The following ROBO2 variants were observed in gnomAD, a reference collection of about 807,000 sequenced individuals.
ROBO2 encodes the protein roundabout guidance receptor 2, also known as roundabout homolog 2.
ROBO2 carries 53 observed loss-of-function variants against 160.8 expected under a neutral mutation model. The ratio of observed to expected loss-of-function variants is 0.33; its 90% CI spans 0.26 to 0.41. ROBO2 has a LOEUF of 0.41. Ranked by LOEUF, ROBO2 falls within the 10% of genes least tolerant of loss-of-function variation. ROBO2 has a pLI of 1.00. For missense variants in ROBO2, 1,577 were observed against 1,722.4 expected (o/e 0.92, Z 1.49); for synonymous variants, 664 against 611.7 (o/e 1.09, Z -1.26).
At chr3:75,973,465 C>T (rs982110930) in intron 2 of ROBO2, among the ~76,000 whole-genome samples, 2 of 151,316 alleles carry the variant, frequency 1.3e-5, no homozygotes, top group African/African-American at 4.8e-5. Flanking sequence ...AACTAAAGAA[C>T]CAGGAACTGA....
At chr3:77,374,169 CAAAAAAAAAAAAAAAAAAAAAA>C (rs60357417) in intron 2 of ROBO2, among the ~76,000 whole-genome samples, 1 of 40,092 alleles carries the variant, frequency 2.5e-5, no homozygotes, top group Non-Finnish European at 3.7e-5. Context: ...GAGACTCCAT[CAAAAAAAAAAAAAAAAAAAAAA>C]AAAAAAAAAA....
rs188296143 is a variant in ROBO2, at chr3:77,563,104, T to C, written c.1520-63T>C. On this transcript the variant is annotated intron_variant, in intron 10 of 25. Transcript: ENST00000461745. ...GGTCCTTTAGTAGACTGCTTCCTTC[T>C]TTTAGGCAGTATTGTCAACTTATGC... 5,381 of 1,536,750 alleles carry C rather than the reference T, an allele frequency of 3.5e-3. 10 individuals are homozygous for C. Among genetic ancestry groups the C allele is most frequent in the Non-Finnish European group, 4.4e-3 (4,892 of 1,113,946 alleles).
intron 2 of ROBO2, among the ~76,000 whole-genome samples, chr3:76,521,197 C>T (rs941076880): frequency 3.9e-5 from 6 of 152,038 alleles, no homozygotes; most frequent in Non-Finnish European, 5.9e-5. Context: ...TACAGGCATG[C>T]GTCACCACGC....
intron 2 of ROBO2, among the ~76,000 whole-genome samples, chr3:76,662,048 G>A (rs558031726): frequency 3.3e-5 from 5 of 152,134 alleles, no homozygotes; most frequent in African/African-American, 4.8e-5. Flanking sequence ...TAATGTTAAC[G>A]CTAGTGAGTT....
chr3:75,937,611 A>C (rs1410654304), intron 2 of ROBO2: 1 of 1,497,516 alleles, frequency 6.7e-7, no homozygotes. Flanking sequence ...AGGTAAGTGC[A>C]AGGATGTTCT....
At chr3:77,107,272 A>G (rs2072933979) in intron 2 of ROBO2, among the ~76,000 whole-genome samples, 1 of 152,216 alleles carries the variant, frequency 6.6e-6, no homozygotes, top group East Asian at 1.9e-4. Flanking sequence ...TTGGGGGGAT[A>G]TAAACGTTCT....
intron 2 of ROBO2, among the ~76,000 whole-genome samples, chr3:77,454,024 T>C (rs900550814): frequency 2.6e-5 from 4 of 152,098 alleles, no homozygotes; most frequent in African/African-American, 9.7e-5. Context: ...CCGTTAATGA[T>C]TGGACCAGAC....
At chr3:76,874,811 G>A (rs1262491609) in intron 2 of ROBO2, among the ~76,000 whole-genome samples, 3 of 152,176 alleles carry the variant, frequency 2.0e-5, no homozygotes, top group African/African-American at 7.2e-5. Context: ...GACAGGCCAA[G>A]TGACTTCCTA....
chr3:77,098,230 T>C, exon 2 of ROBO2: 1 of 1,614,178 alleles, frequency 6.2e-7, no homozygotes, highest in Non-Finnish European at 8.5e-7. Flanking sequence ...TTATTCTTCT[T>C]GCGCATCGTG....
At chr3:76,214,625 G>A (rs2088176) in intron 2 of ROBO2, among the ~76,000 whole-genome samples, 82,158 of 152,088 alleles carry the variant, frequency 0.54, 22,367 homozygotes, top group African/African-American at 0.57. Context: ...AAGGGCGTCC[G>A]CCATTGCTGA....
chr3:77,642,966 A>T, intron 24 of ROBO2, 23 bp downstream of exon 26: 1 of 455,472 alleles, frequency 2.2e-6, no homozygotes, highest in Non-Finnish European at 4.4e-6. Context: ...CAGTCCCAAG[A>T]AAGTGTGGAC....
intron 2 of ROBO2, among the ~76,000 whole-genome samples, chr3:77,020,663 A>C (rs1463446941): frequency 1.3e-5 from 2 of 152,364 alleles, no homozygotes; most frequent in African/African-American, 4.8e-5. Flanking sequence ...TGCATTTACC[A>C]GTTTAATAAC....
At chr3:77,251,416 G>A (rs1436006553) in intron 2 of ROBO2, among the ~76,000 whole-genome samples, 4 of 152,136 alleles carry the variant, frequency 2.6e-5, no homozygotes, top group African/African-American at 9.7e-5. Context: ...GCAGGGCAGT[G>A]AATGCTGTGG....
intron 2 of ROBO2, among the ~76,000 whole-genome samples, chr3:77,431,868 T>G (rs2078809575): frequency 6.6e-6 from 1 of 152,160 alleles, no homozygotes; most frequent in Non-Finnish European, 1.5e-5. Flanking sequence ...AAAGATTCAA[T>G]AACGTAAGTA....
intron 2 of ROBO2, among the ~76,000 whole-genome samples, chr3:76,812,827 A>G (rs1209051174): frequency 6.6e-6 from 1 of 151,810 alleles, no homozygotes; most frequent in Non-Finnish European, 1.5e-5. Flanking sequence ...TTTTCTCACA[A>G]GTGTTATTAA....
chr3:76,093,693 A>G (rs1427434920), intron 2 of ROBO2, among the ~76,000 whole-genome samples: 1 of 151,322 alleles, frequency 6.6e-6, no homozygotes, highest in Non-Finnish European at 1.5e-5. Flanking sequence ...TGGTTTCCTT[A>G]TTTCAGTTAA....
At chr3:76,840,437 G>A (rs1248644213) in intron 2 of ROBO2, among the ~76,000 whole-genome samples, 8 of 150,916 alleles carry the variant, frequency 5.3e-5, no homozygotes, top group African/African-American at 1.9e-4. Flanking sequence ...GTGAAACCCC[G>A]TCTCTACTAA....
At chr3:77,020,129 A>G (rs2149500867) in intron 2 of ROBO2, among the ~76,000 whole-genome samples, 1 of 152,338 alleles carries the variant, frequency 6.6e-6, no homozygotes, top group Admixed American at 6.5e-5. Context: ...ACAGCACAGG[A>G]ATTATTTAAT....
intron 2 of ROBO2, among the ~76,000 whole-genome samples, chr3:76,723,376 A>G (rs17014579): frequency 0.28 from 42,146 of 152,046 alleles, 7,234 homozygotes; most frequent in African/African-American, 0.47. Flanking sequence ...GTAGTGCACC[A>G]TCTTTGGGGA....
Sources: gnomAD v4.1 joint callset for allele counts (sites outside exome capture counted in the v4.1 genomes callset) on GRCh38, gnomAD v4.1.1 for gene constraint, MANE v1.5 for transcripts, NCBI Gene and HGNC (gene_info 2026-07-23, HGNC 2026-07-21) for gene names.